The following FBXL13 variants were observed in gnomAD, a reference collection of about 807,000 sequenced individuals.
The protein encoded by FBXL13 is F-box and leucine rich repeat protein 13.
A neutral mutation model predicts 83.6 loss-of-function variants in FBXL13; 67 were observed. That is an observed-to-expected ratio of 0.80 (90% CI 0.66 to 0.98). The LOEUF is 0.98. FBXL13 is among the 50% of genes least tolerant of loss of function. FBXL13 has a pLI of 0.00. For missense variants in FBXL13, 822 were observed against 866.5 expected, an observed-to-expected ratio of 0.95 and a Z score of 0.64; for synonymous variants, 272 against 299.5, an observed-to-expected ratio of 0.91 and a Z score of 0.95.
chr7:102,971,522 G>GGGA, intron 6 of FBXL13, among the ~76,000 whole-genome samples: 1 of 151,472 alleles, frequency 6.6e-6, no homozygotes, highest in Non-Finnish European at 1.5e-5. Context: ...GCTTGAACCC[G>GGGA]GGCGGAGGTG....
At chr7:103,020,476 G>T (rs192276631) in intron 6 of FBXL13, among the ~76,000 whole-genome samples, 17 of 152,296 alleles carry the variant, frequency 1.1e-4, no homozygotes, top group Admixed American at 6.5e-4. Flanking sequence ...TCTGGCCAGG[G>T]CAATCAGGCA....
intron 17 of FBXL13, among the ~76,000 whole-genome samples, chr7:102,839,735 T>G (rs1163434789): frequency 1.3e-5 from 2 of 152,198 alleles, no homozygotes; most frequent in Non-Finnish European, 2.9e-5. Context: ...TGTGAGCCAC[T>G]GTGCCTGGCA....
chr7:102,820,260 T>G (rs952216721), intron 19 of FBXL13, among the ~76,000 whole-genome samples: 4 of 152,226 alleles, frequency 2.6e-5, no homozygotes, highest in South Asian at 4.1e-4. Context: ...AACCAGCCCC[T>G]TTCTAAGCAT....
At chr7:102,980,423 A>C (rs902517823) in intron 6 of FBXL13, among the ~76,000 whole-genome samples, 23 of 152,188 alleles carry the variant, frequency 1.5e-4, no homozygotes, top group Admixed American at 1.1e-3. Flanking sequence ...ATGAGTTTGG[A>C]CCCTCTACCT....
intron 10 of FBXL13, among the ~76,000 whole-genome samples, chr7:102,916,791 TG>T (rs61021557): frequency 0.016 from 2,387 of 147,962 alleles, 55 homozygotes; most frequent in African/African-American, 0.056. Flanking sequence ...CTGTTTCTTA[TG>T]GGGGGGGGTG....
intron 18 of FBXL13, among the ~76,000 whole-genome samples, chr7:102,830,775 T>C (rs1387927099): frequency 1.3e-5 from 2 of 152,208 alleles, no homozygotes; most frequent in Admixed American, 6.5e-5. Context: ...GTGTGTACAA[T>C]AGAAGAGAAC....
rs546007537 is a variant in FBXL13 at position 102,983,659 on chromosome 7, G to A, written c.496-15542C>T. ...TGGTCTTAAACTCCTGACCTCAAGT[G>A]ATCTGCCTGCTTTGGCCTCCCAAAG... On this transcript the variant is annotated intron_variant, in intron 6 of 19. Transcript: ENST00000313221. 5.9e-4 allele frequency among the ~76,000 whole-genome samples: 90 copies of A among 152,116 alleles called. 1 individual carries two copies. The highest frequency in any genetic ancestry group is 2.1e-3 in the African/African-American group (86 of 41,484).
At chr7:102,818,710 C>G (rs1798359321) in intron 19 of FBXL13, among the ~76,000 whole-genome samples, 1 of 152,176 alleles carries the variant, frequency 6.6e-6, no homozygotes, top group Admixed American at 6.5e-5. Context: ...AAGACTTTCT[C>G]TACTAGTTCT....
At chr7:103,016,667 C>T (rs1169130118) in intron 6 of FBXL13, among the ~76,000 whole-genome samples, 1 of 152,138 alleles carries the variant, frequency 6.6e-6, no homozygotes, top group African/African-American at 2.4e-5. Flanking sequence ...AATGGCACAC[C>T]AGGAGATTAT....
chr7:102,926,438 T>C, intron 9 of FBXL13, 64 bp from the exon 11 acceptor site: 1 of 1,269,734 alleles, frequency 7.9e-7, no homozygotes, highest in Non-Finnish European at 1.1e-6. Flanking sequence ...TTCCCCATTA[T>C]CTTTCTATTA....
intron 9 of FBXL13, among the ~76,000 whole-genome samples, chr7:102,929,391 G>A (rs1246927234): frequency 1.3e-5 from 2 of 152,160 alleles, no homozygotes; most frequent in Non-Finnish European, 2.9e-5. Flanking sequence ...GCTGGGTGCG[G>A]TGTCTCACGC....
chr7:102,949,408 A>G (rs1179120742), intron 8 of FBXL13, among the ~76,000 whole-genome samples: 1 of 152,098 alleles, frequency 6.6e-6, no homozygotes, highest in African/African-American at 2.4e-5. Flanking sequence ...ATTTTTGCTG[A>G]TCCTCTCCAT....
At chr7:103,042,923 G>C (rs890532321) in intron 2 of FBXL13, among the ~76,000 whole-genome samples, 1 of 152,182 alleles carries the variant, frequency 6.6e-6, no homozygotes, top group African/African-American at 2.4e-5. Flanking sequence ...AAGACTTCAT[G>C]ATTAAAACAC....
chr7:103,036,829 C>T (rs1795121959), intron 2 of FBXL13, among the ~76,000 whole-genome samples: 1 of 152,142 alleles, frequency 6.6e-6, no homozygotes, highest in Non-Finnish European at 1.5e-5. Context: ...GTCTTTAATA[C>T]CTAAAGGGCT....
intron 2 of FBXL13, among the ~76,000 whole-genome samples, chr7:103,038,856 A>G (rs1287359906): frequency 6.6e-6 from 1 of 152,260 alleles, no homozygotes; most frequent in Non-Finnish European, 1.5e-5. Context: ...AACCACAAAG[A>G]TGGGGAGAAA....
intron 8 of FBXL13, among the ~76,000 whole-genome samples, chr7:102,940,173 C>T (rs961387387): frequency 5.9e-5 from 9 of 151,276 alleles, no homozygotes; most frequent in Admixed American, 5.3e-4. Context: ...GGATTACAGG[C>T]ATGAGCCACC....
chr7:103,052,081 T>C (rs938701754), intron 2 of FBXL13, among the ~76,000 whole-genome samples: 1 of 152,228 alleles, frequency 6.6e-6, no homozygotes, highest in Non-Finnish European at 1.5e-5. Flanking sequence ...AGTGTAAGAC[T>C]GAAAAACCCT....
chr7:102,865,195 C>A (rs2129454516), intron 16 of FBXL13, among the ~76,000 whole-genome samples: 1 of 152,324 alleles, frequency 6.6e-6, no homozygotes, highest in South Asian at 2.1e-4. Flanking sequence ...GGCATACTCT[C>A]AGAATTTTTG....
intron 8 of FBXL13, chr7:102,944,737 TTATAAG>T: frequency 1.3e-6 from 1 of 773,574 alleles, no homozygotes; most frequent in Non-Finnish European, 2.0e-6. Flanking sequence ...CTTTCTTTAA[TTATAAG>T]TATTATTGTG....
Sources: gnomAD v4.1 joint callset for allele counts (sites outside exome capture counted in the v4.1 genomes callset) on GRCh38, gnomAD v4.1.1 for gene constraint, MANE v1.5 for transcripts, NCBI Gene and HGNC (gene_info 2026-07-23, HGNC 2026-07-21) for gene names.